The following NEMF variants were observed in gnomAD, a reference collection of about 807,000 sequenced individuals.
The protein encoded by NEMF is nuclear export mediator factor, also known as ribosome quality control complex subunit NEMF.
In NEMF, 89 loss-of-function variants were observed where a neutral mutation model predicts 162.2. The observed-to-expected ratio is 0.55, with a 90% CI of 0.46 to 0.65. The LOEUF is 0.65. NEMF is among the 30% of genes least tolerant of loss of function. The pLI is 0.00. For missense variants in NEMF, 1,133 were observed against 1,261.9 expected, an observed-to-expected ratio of 0.90 and a Z score of 1.55; for synonymous variants, 421 against 404.5, an observed-to-expected ratio of 1.04 and a Z score of -0.49.
At chr14:49,815,922 C>A (rs913991597) in intron 16 of NEMF, among the ~76,000 whole-genome samples, 4 of 152,078 alleles carry the variant, frequency 2.6e-5, no homozygotes, top group African/African-American at 9.6e-5. Context: ...TGAGATGGCA[C>A]CCCTGCACTC....
At chr14:49,815,845 T>G (rs1025412671) in intron 16 of NEMF, among the ~76,000 whole-genome samples, 1 of 152,048 alleles carries the variant, frequency 6.6e-6, no homozygotes, top group South Asian at 2.1e-4. Flanking sequence ...GCGCCTGTAG[T>G]CTCACCTACT....
chr14:49,793,906 C>CT (rs11324187), intron 26 of NEMF, among the ~76,000 whole-genome samples: 1 of 148,554 alleles, frequency 6.7e-6, no homozygotes, highest in Non-Finnish European at 1.5e-5. Context: ...TCTGTCATCA[C>CT]TTTTTTTTTT....
At chr14:49,845,625 ATTGTT>A (rs1893462996) in intron 4 of NEMF, among the ~76,000 whole-genome samples, 1 of 152,098 alleles carries the variant, frequency 6.6e-6, no homozygotes, top group Non-Finnish European at 1.5e-5. Context: ...TCCATTTTAA[ATTGTT>A]TTGTTTTTAC....
intron 18 of NEMF, among the ~76,000 whole-genome samples, chr14:49,813,295 T>C (rs1891564226): frequency 6.6e-6 from 1 of 152,224 alleles, no homozygotes; most frequent in African/African-American, 2.4e-5. Context: ...GATGCTCAAC[T>C]GGTAAGTATA....
intron 26 of NEMF, among the ~76,000 whole-genome samples, chr14:49,790,378 GC>G (rs1411513186): frequency 6.6e-6 from 1 of 152,058 alleles, no homozygotes; most frequent in African/African-American, 2.4e-5. Context: ...TTTAAAATAG[GC>G]ACTTCGAAAG....
intron 16 of NEMF, among the ~76,000 whole-genome samples, chr14:49,825,501 T>C (rs1201483051): frequency 6.6e-6 from 1 of 152,146 alleles, no homozygotes; most frequent in African/African-American, 2.4e-5. Context: ...GCACTGAGGC[T>C]GAGGCAGGAG....
chr14:49,829,696 T>C (rs1483027419), intron 11 of NEMF, among the ~76,000 whole-genome samples: 4 of 152,218 alleles, frequency 2.6e-5, no homozygotes, highest in Non-Finnish European at 5.9e-5. Context: ...CCTAATACCC[T>C]TGGCATTATT....
intron 19 of NEMF, among the ~76,000 whole-genome samples, chr14:49,804,443 C>G (rs964375283): frequency 2.6e-5 from 4 of 151,648 alleles, no homozygotes; most frequent in Admixed American, 2.0e-4. Context: ...TCTGGGAGGC[C>G]AAGGCAGGTG....
At chr14:49,803,374 G>A (rs1891040716) in intron 19 of NEMF, 80 bp from the exon 20 acceptor site, 1 of 989,086 alleles carries the variant, frequency 1.0e-6, no homozygotes, top group Non-Finnish European at 1.5e-6. Context: ...AGAAAGTAAA[G>A]TCAGAGTCAA....
Position 49,782,963 on chromosome 14 carries a change from A to T in NEMF, c.*1673T>A. 6.2e-7 allele frequency: 1 copy of T among 1,609,998 alleles called. No homozygotes were observed. Among genetic ancestry groups the T allele is most frequent in the Non-Finnish European group, 8.5e-7 (1 of 1,178,388 alleles). ...CACTTCTGGATCTTAAGGCTTCATA[A>T]ATAATGCCTATGATCACCTTGCATG... is the stretch of plus-strand genomic sequence containing the variant. On this transcript the variant is annotated 3_prime_UTR_variant, in exon 33 of 33. Transcript: ENST00000298310.
chr14:49,844,090 C>G (rs1893348043), intron 4 of NEMF, among the ~76,000 whole-genome samples: 1 of 150,070 alleles, frequency 6.7e-6, no homozygotes, highest in Non-Finnish European at 1.5e-5. Flanking sequence ...CAAAGTGAGA[C>G]TCTGTATCAA....
Position 49,800,405 on chromosome 14 carries a change from T to G in NEMF, c.2372+15A>C, listed in dbSNP as rs545054759. 7.7e-6 allele frequency: 12 copies of G among 1,561,230 alleles called. No homozygotes were observed. In the East Asian group the frequency reaches 2.8e-4, roughly 37 times the overall value. On this transcript the variant is annotated intron_variant, in intron 23 of 32. Coordinates refer to ENST00000298310, the MANE Select transcript of NEMF (RefSeq NM_004713.6). ...AGCTTACACAATAATATGTAAAATT[T>G]TATTTTTTAATTACCTTTGGGGTTG...
In NEMF at chr14:49,852,719, G is replaced by T; in HGVS notation, c.35C>A (p.Ala12Asp). ...CCTAGCATTCAGCTCCGCGAGTACG[G>T]CGCGGAGGTCAATGGTGCTAAAGCG... ...KSRFSTIDLR[A>D]VLAELNASLL... The change falls in exon 1 of 33, where the codon GCC (alanine) becomes GAC (aspartate). Residue 12 changes from alanine (A) to aspartate (D), a missense_variant. By Grantham distance (126) the Ala-to-Asp change is moderately radical. This residue lies in a region of NEMF where 582 missense variants were observed against 631.5 expected (regional missense o/e 0.92). Transcript: ENST00000298310. The T allele has an allele frequency of 6.2e-7, 1 of 1,614,234 alleles. No individual in the cohort carries two copies. The highest frequency in any genetic ancestry group is 8.5e-7 in the Non-Finnish European group (1 of 1,180,030).
chr14:49,790,201 A>G (rs758056934), intron 26 of NEMF, among the ~76,000 whole-genome samples: 3 of 152,220 alleles, frequency 2.0e-5, no homozygotes, highest in Non-Finnish European at 4.4e-5. Context: ...CATCAGACTC[A>G]ATTAGAATTT....
chr14:49,829,236 G>T lies in NEMF; in HGVS notation c.1050C>A (p.Leu350=). Residue 350 remains leucine, a synonymous_variant, in exon 13 of 33, where the codon CTC becomes CTA. Coordinates refer to ENST00000298310, the MANE Select transcript of NEMF (RefSeq NM_004713.6). Reference sequence around the variant, plus strand: ...CAACTATTTGTAGGTTCATTTCTATGAGCTCTCCTTTCAGTTTGTCTATTT... The same window carrying T: ...CAACTATTTGTAGGTTCATTTCTATTAGCTCTCCTTTCAGTTTGTCTATTT... The part of the protein sequence containing the change: ...AQEIDKLKGE[L]IEMNLQIVDR... 1.2e-6 allele frequency: 2 copies of T among 1,614,078 alleles called. No homozygotes were observed. Among genetic ancestry groups the T allele is most frequent in the Non-Finnish European group, 1.7e-6 (2 of 1,180,006 alleles).
At chr14:49,787,023 A>G (rs1359869857) in intron 28 of NEMF, 4 of 335,520 alleles carry the variant, frequency 1.2e-5, no homozygotes, top group Non-Finnish European at 2.2e-5. Context: ...TGAAACTTTC[A>G]TATAAAGTAT....
chr14:49,785,766 T>A (rs1890144038), intron 29 of NEMF: 2 of 166,888 alleles, frequency 1.2e-5, no homozygotes, highest in South Asian at 2.9e-4. Flanking sequence ...GTGCCTGTAG[T>A]CCCAGCTACT....
intron 32 of NEMF, 100 bp downstream of exon 32, chr14:49,784,825 T>G: frequency 1.4e-6 from 2 of 1,401,772 alleles, no homozygotes; most frequent in Non-Finnish European, 2.0e-6. Context: ...GTTTTACTGC[T>G]TCTAATAAGA....
chr14:49,831,440 T>G, intron 10 of NEMF, 79 bp from the exon 11 acceptor site: 1 of 892,966 alleles, frequency 1.1e-6, no homozygotes, highest in Non-Finnish European at 1.8e-6. Context: ...ATTTTATTTT[T>G]TTTTTCTTTT....
Sources: gnomAD v4.1 joint callset for allele counts (sites outside exome capture counted in the v4.1 genomes callset) on GRCh38, gnomAD v4.1.1 for gene constraint, gnomAD v4.1.1 regional missense constraint, MANE v1.5 for transcripts, NCBI Gene and HGNC (gene_info 2026-07-23, HGNC 2026-07-21) for gene names.